The following HDAC4 variants were observed in gnomAD, a reference collection of about 807,000 sequenced individuals.
HDAC4 encodes histone deacetylase A.
In HDAC4, 16 loss-of-function variants were observed where a neutral mutation model predicts 135.1. The ratio of observed to expected loss-of-function variants is 0.12; its 90% confidence interval spans 0.08 to 0.18. The LOEUF (loss-of-function observed/expected upper bound fraction) is 0.18, where lower values mean the gene tolerates loss of function less well. HDAC4 is among the 10% of genes least tolerant of loss of function. The probability of loss-of-function intolerance (pLI) is 1.00; values close to 1 mark genes in which losing one functional copy is unlikely to be tolerated. For synonymous variants in HDAC4, 685 were observed against 653.4 expected, an observed-to-expected ratio of 1.05 and a Z score of -0.74; for missense variants, 1,143 against 1,511.8, an observed-to-expected ratio of 0.76 and a Z score of 4.05.
rs186733403 is a variant in HDAC4 at position 239,258,477 on chromosome 2, G to A, written c.23-21813C>T. Among the ~76,000 whole-genome samples, 6 of 152,320 alleles carry A rather than the reference G, an allele frequency of 3.9e-5. No homozygotes were observed. In the East Asian group the frequency reaches 5.8e-4, roughly 15 times the overall value. On this transcript the variant is annotated intron_variant, in intron 2 of 26. Transcript: ENST00000543185. Reference sequence around the variant, plus strand: ...ACTGGTGATTTCTCAACGGAAACACGTAAACCAGAAAACAGTAATATCTTT... The same window carrying A: ...ACTGGTGATTTCTCAACGGAAACACATAAACCAGAAAACAGTAATATCTTT...
chr2:239,208,178 A>G (rs1017241089), intron 3 of HDAC4, among the ~76,000 whole-genome samples: 9 of 151,352 alleles, frequency 5.9e-5, no homozygotes, highest in Admixed American at 5.3e-4. Flanking sequence ...AAAAAAAAAA[A>G]TAGCCGGGTG....
intron 2 of HDAC4, among the ~76,000 whole-genome samples, chr2:239,251,398 A>C (rs190669212): frequency 6.6e-4 from 101 of 152,202 alleles, no homozygotes; most frequent in African/African-American, 2.2e-3. Flanking sequence ...ATTCAAGACC[A>C]GCCTCAGTAA....
chr2:239,207,463 A>G (rs1470539976), intron 3 of HDAC4, among the ~76,000 whole-genome samples: 2 of 152,230 alleles, frequency 1.3e-5, no homozygotes, highest in Non-Finnish European at 2.9e-5. Context: ...TCAAAAGACC[A>G]ATACAAGACA....
chr2:239,123,063 G>A lies in HDAC4; in HGVS notation c.1533+3393C>T, dbSNP rs547100110. 1.1e-4 allele frequency among the ~76,000 whole-genome samples: 17 copies of A among 152,280 alleles called. No homozygotes were observed. In the South Asian group the frequency reaches 1.7e-3, roughly 15 times the overall value. ...TTTCAATCAACTGTCATTCACTCCCGTAAATCAATCAGAGAACAAACTCCA... is the reference window on the plus strand; with the variant it reads ...TTTCAATCAACTGTCATTCACTCCCATAAATCAATCAGAGAACAAACTCCA... On this transcript the variant is annotated intron_variant, in intron 12 of 26. Transcript: ENST00000543185.
At chr2:239,142,202 A>G (rs2041425310) in intron 8 of HDAC4, among the ~76,000 whole-genome samples, 1 of 152,188 alleles carries the variant, frequency 6.6e-6, no homozygotes, top group East Asian at 1.9e-4. Flanking sequence ...ACACCCAATT[A>G]ATTAGTGACT....
chr2:239,121,052 C>A (rs796625092), intron 12 of HDAC4, among the ~76,000 whole-genome samples: 11 of 148,816 alleles, frequency 7.4e-5, no homozygotes, highest in African/African-American at 2.3e-4. Context: ...GGCTGGAGTG[C>A]AGTCATGCAT....
At chr2:239,223,606 A>G (rs772030239) in intron 3 of HDAC4, among the ~76,000 whole-genome samples, 7 of 152,184 alleles carry the variant, frequency 4.6e-5, no homozygotes, top group Non-Finnish European at 1.0e-4. Flanking sequence ...AACACACGGT[A>G]CGTAGCTGAG....
chr2:239,272,353 A>G (rs1397003509), intron 2 of HDAC4, among the ~76,000 whole-genome samples: 2 of 152,266 alleles, frequency 1.3e-5, no homozygotes, highest in Non-Finnish European at 2.9e-5. Flanking sequence ...TCTGAGCTTC[A>G]AAAGACACCA....
intron 1 of HDAC4, among the ~76,000 whole-genome samples, chr2:239,359,823 G>A (rs1469985495): frequency 6.6e-6 from 1 of 152,188 alleles, no homozygotes; most frequent in Non-Finnish European, 1.5e-5. Flanking sequence ...TCTGACATGA[G>A]GAGGCTAAGA....
intron 2 of HDAC4, among the ~76,000 whole-genome samples, chr2:239,293,002 G>C (rs183869731): frequency 2.6e-5 from 4 of 152,260 alleles, no homozygotes. Context: ...AATAACAGCT[G>C]AATGTCCCTA....
At chr2:239,125,906 C>A (rs2040151909) in intron 12 of HDAC4, among the ~76,000 whole-genome samples, 1 of 152,252 alleles carries the variant, frequency 6.6e-6, no homozygotes, top group South Asian at 2.1e-4. Flanking sequence ...GAGTTCTGCA[C>A]CTGTACAACT....
intron 8 of HDAC4, 31 bp downstream of exon 8, chr2:239,144,552 C>T (rs372426185): frequency 7.4e-6 from 12 of 1,612,080 alleles, no homozygotes; most frequent in African/African-American, 5.3e-5. Context: ...GAGAGGGCAG[C>T]GGGGCGGGTG....
chr2:239,231,702 C>T (rs13411471), intron 3 of HDAC4, among the ~76,000 whole-genome samples: 48 of 35,886 alleles, frequency 1.3e-3, no homozygotes, highest in African/African-American at 3.8e-3. Context: ...CTGAGGTAGG[C>T]GTCCTCCCCA....
intron 5 of HDAC4, among the ~76,000 whole-genome samples, chr2:239,164,150 G>A (rs956514550): frequency 1.3e-5 from 2 of 152,192 alleles, no homozygotes; most frequent in African/African-American, 4.8e-5. Context: ...TTAAAATGCA[G>A]ATTTAATCAT....
intron 4 of HDAC4, among the ~76,000 whole-genome samples, chr2:239,180,079 C>T (rs923233689): frequency 6.6e-6 from 1 of 152,192 alleles, no homozygotes; most frequent in Non-Finnish European, 1.5e-5. Context: ...GGAACATCTC[C>T]TGCATCTTGC....
intron 1 of HDAC4, among the ~76,000 whole-genome samples, chr2:239,360,620 T>C (rs1332046937): frequency 6.6e-6 from 1 of 152,044 alleles, no homozygotes; most frequent in Non-Finnish European, 1.5e-5. Flanking sequence ...AAAAAAGTAC[T>C]AGATAGGAAG....
At chr2:239,279,267 C>G (rs2050571541) in intron 2 of HDAC4, among the ~76,000 whole-genome samples, 1 of 152,232 alleles carries the variant, frequency 6.6e-6, no homozygotes, top group Non-Finnish European at 1.5e-5. Flanking sequence ...CCAGGAGATG[C>G]TCACGTCTCT....
chr2:239,106,468 G>A (rs1027378330), intron 15 of HDAC4, among the ~76,000 whole-genome samples: 3 of 152,140 alleles, frequency 2.0e-5, no homozygotes, highest in Admixed American at 6.5e-5. Flanking sequence ...TGGGGAAGGA[G>A]TTTCCTGCAG....
At chr2:239,209,687 G>A (rs1638726072) in intron 3 of HDAC4, among the ~76,000 whole-genome samples, 1 of 152,162 alleles carries the variant, frequency 6.6e-6, no homozygotes, top group African/African-American at 2.4e-5. Flanking sequence ...AAAATTTTCT[G>A]CTCACTAGAC....
Sources: allele counts gnomAD v4.1 joint callset (sites outside exome capture counted in the v4.1 genomes callset), GRCh38; gene constraint gnomAD v4.1.1; transcripts MANE v1.5; gene names NCBI Gene and HGNC (gene_info 2026-07-23, HGNC 2026-07-21).